The following TSHZ2 variants were observed in gnomAD, a reference collection of about 807,000 sequenced individuals.
The protein encoded by TSHZ2 is teashirt homolog 2.
Under a neutral mutation model 74.4 loss-of-function variants are expected in TSHZ2, and 21 were observed. That is an observed-to-expected ratio of 0.28 (90% confidence interval 0.20 to 0.41). The LOEUF (loss-of-function observed/expected upper bound fraction) is 0.41. Among genes scored for constraint, TSHZ2 ranks in the 10% least tolerant of loss-of-function variants. TSHZ2 has a pLI of 1.00. For missense variants in TSHZ2, 1,244 were observed against 1,293.5 expected, an observed-to-expected ratio of 0.96 and a Z score of 0.59; for synonymous variants, 540 against 515.3, an observed-to-expected ratio of 1.05 and a Z score of -0.65.
At chr20:53,059,090 T>C (rs1984736178) in intron 1 of TSHZ2, among the ~76,000 whole-genome samples, 1 of 152,166 alleles carries the variant, frequency 6.6e-6, no homozygotes, top group Admixed American at 6.5e-5. Context: ...TAAATGTGAG[T>C]AGTCTTGAAT....
Position 53,001,230 on chromosome 20 carries a change from G to GTGTGTGTATGTGTGTGTGTGTGTGTGTA in TSHZ2, c.40+27904_40+27905insATGTGTGTGTGTGTGTGTGTATGTGTGT, listed in dbSNP as rs1555813626. 4.6e-3 allele frequency among the ~76,000 whole-genome samples: 578 copies of GTGTGTGTATGTGTGTGTGTGTGTGTGTA among 126,180 alleles called. 2 individuals are homozygous for GTGTGTGTATGTGTGTGTGTGTGTGTGTA. The highest frequency in any genetic ancestry group is 6.8e-3 in the Non-Finnish European group (385 of 56,396). 82.8% of individuals were successfully genotyped at this position (126,180 alleles called of 152,430 possible). A position where few individuals can be genotyped will look rare whatever the true frequency, so the allele number is the denominator to read the frequency against. On this transcript the variant is annotated intron_variant, in intron 1 of 2. Transcript: ENST00000371497. Reference sequence around the variant, plus strand: ...CGTGTGTGTGTGTGTGTGTGTGTGTGTGTGTGTGTGTGTGTGTGTGTGTGT... The same window carrying GTGTGTGTATGTGTGTGTGTGTGTGTGTA: ...CGTGTGTGTGTGTGTGTGTGTGTGTGTGTGTGTATGTGTGTGTGTGTGTGTGTATGTGTGTGTGTGTGTGTGTGTGTGT...
intron 2 of TSHZ2, among the ~76,000 whole-genome samples, chr20:53,443,297 G>C (rs1479137558): frequency 6.6e-6 from 1 of 152,160 alleles, no homozygotes; most frequent in East Asian, 1.9e-4. Flanking sequence ...TTTCTGCCAT[G>C]ATGTTTAAGA....
chr20:53,351,511 C>CA (rs377267538), intron 2 of TSHZ2, among the ~76,000 whole-genome samples: 3 of 151,920 alleles, frequency 2.0e-5, no homozygotes, highest in Admixed American at 6.6e-5. Flanking sequence ...GATTTTTTGT[C>CA]AAAAAAAGTT....
chr20:53,460,386 T>G (rs1312872626), intron 2 of TSHZ2, among the ~76,000 whole-genome samples: 1 of 152,228 alleles, frequency 6.6e-6, no homozygotes. Flanking sequence ...CCAGCCTTGG[T>G]TTTCAGCTCC....
chr20:53,420,027 C>T (rs1182349162), intron 2 of TSHZ2, among the ~76,000 whole-genome samples: 1 of 152,258 alleles, frequency 6.6e-6, no homozygotes, highest in Non-Finnish European at 1.5e-5. Flanking sequence ...CACTGTTCAA[C>T]TAACCTTCAC....
In TSHZ2 at chr20:53,261,602, C is replaced by T. The variant is rs1187637968; in HGVS notation, c.*8+5031C>T. Among the ~76,000 whole-genome samples, 11 of 152,180 alleles carry T rather than the reference C, an allele frequency of 7.2e-5. No homozygotes were observed. In the East Asian group the frequency reaches 1.5e-3, roughly 21 times the overall value. On this transcript the variant is annotated intron_variant, in intron 2 of 2. Coordinates refer to ENST00000371497, the MANE Select transcript of TSHZ2 (RefSeq NM_173485.6). ...TTTTCAAAAATATTTGGCTTAACTC[C>T]GTCTATGCATCTCAGCCTCCATTGC...
At chr20:53,385,323 A>G (rs1982005931) in intron 2 of TSHZ2, among the ~76,000 whole-genome samples, 1 of 152,012 alleles carries the variant, frequency 6.6e-6, no homozygotes, top group Admixed American at 6.5e-5. Flanking sequence ...AGTTTCTCAG[A>G]ATTGGAAAAT....
chr20:53,187,968 A>G (rs1467384186), intron 1 of TSHZ2, among the ~76,000 whole-genome samples: 1 of 152,136 alleles, frequency 6.6e-6, no homozygotes, highest in South Asian at 2.1e-4. Context: ...CTCTCCATAT[A>G]TCATTAGAAC....
At chr20:53,469,919 A>AGGC (rs1985744920) in intron 2 of TSHZ2, among the ~76,000 whole-genome samples, 2 of 101,324 alleles carry the variant, frequency 2.0e-5, no homozygotes, top group East Asian at 3.1e-4. Flanking sequence ...GGAAGGAAGG[A>AGGC]AGGCAGGCAG....
chr20:53,246,960 TAGAG>T lies in TSHZ2; in HGVS notation c.41-6533_41-6530del, dbSNP rs149522192. 5.9e-3 allele frequency among the ~76,000 whole-genome samples: 902 copies of T among 152,050 alleles called. 6 individuals are homozygous for T. The highest frequency in any genetic ancestry group is 0.017 in the Middle Eastern group (5 of 292). On this transcript the variant is annotated intron_variant, in intron 1 of 2. Transcript: ENST00000371497. ...ACCATCTTCAGGAAATTGAAAAAAA[TAGAG>T]AGAGATTGTTGTTTTGATGACCACC... is the stretch of plus-strand genomic sequence containing the variant.
Position 53,410,207 on chromosome 20 carries a change from A to C in TSHZ2, c.*9-76937A>C, listed in dbSNP as rs113651853. Among the ~76,000 whole-genome samples, 1,377 of 152,104 alleles carry C rather than the reference A, an allele frequency of 9.1e-3. 23 individuals are homozygous for C. The highest frequency in any genetic ancestry group is 0.031 in the African/African-American group (1,293 of 41,498). On this transcript the variant is annotated intron_variant, in intron 2 of 2. Transcript: ENST00000371497. ...GAGGGCGCATCCCAGGATGAAGGTG[A>C]CTCTGGGACATGCTGACCGCAGCTA...
At chr20:53,472,600 G>C (rs1985845945) in intron 2 of TSHZ2, among the ~76,000 whole-genome samples, 1 of 152,176 alleles carries the variant, frequency 6.6e-6, no homozygotes, top group African/African-American at 2.4e-5. Context: ...GATATTTCAA[G>C]TTTCAGAACT....
intron 1 of TSHZ2, among the ~76,000 whole-genome samples, chr20:53,054,845 A>G (rs1484116423): frequency 6.6e-6 from 1 of 152,124 alleles, no homozygotes; most frequent in African/African-American, 2.4e-5. Context: ...TTCAGGATCC[A>G]CAAAACCAGC....
rs573423408 is a variant in TSHZ2 at position 53,384,474 on chromosome 20, T to G, written c.*9-102670T>G. On this transcript the variant is annotated intron_variant, in intron 2 of 2. Coordinates refer to ENST00000371497, the MANE Select transcript of TSHZ2 (RefSeq NM_173485.6). ...GAGCATCATATAGTCTGTATCTTCT[T>G]TGTTTATGGCTTCACCTTGACGAGC... Among the ~76,000 whole-genome samples, 6 of 152,322 alleles carry G rather than the reference T, an allele frequency of 3.9e-5. No homozygotes were observed. In the South Asian group the frequency reaches 1.2e-3, roughly 32 times the overall value.
intron 2 of TSHZ2, among the ~76,000 whole-genome samples, chr20:53,366,991 C>T (rs991676014): frequency 2.0e-5 from 3 of 152,202 alleles, no homozygotes; most frequent in South Asian, 2.1e-4. Context: ...TCAGTGTAGA[C>T]GCTAGGATCC....
At chr20:53,156,424 C>A (rs1987796535) in intron 1 of TSHZ2, among the ~76,000 whole-genome samples, 1 of 152,126 alleles carries the variant, frequency 6.6e-6, no homozygotes, top group African/African-American at 2.4e-5. Context: ...TCCTGAGAAC[C>A]CTATCCTTTT....
rs562891356 is a variant in TSHZ2 at position 52,994,684 on chromosome 20, G to A, written c.40+21351G>A. On this transcript the variant is annotated intron_variant, in intron 1 of 2. Coordinates refer to ENST00000371497, the MANE Select transcript of TSHZ2 (RefSeq NM_173485.6). ...TATCCTGCACATTAGCCCCTAGTCAGCTCTTACAAGCCATAATGTGCCGTG... is the reference window on the plus strand; with the variant it reads ...TATCCTGCACATTAGCCCCTAGTCAACTCTTACAAGCCATAATGTGCCGTG... Among the ~76,000 whole-genome samples, 3 of 152,272 alleles carry A rather than the reference G, an allele frequency of 2.0e-5. No homozygotes were observed. The South Asian group carries it at 6.2e-4, about 32-fold the overall frequency.
chr20:53,143,911 T>G (rs945984894), intron 1 of TSHZ2, among the ~76,000 whole-genome samples: 1 of 152,108 alleles, frequency 6.6e-6, no homozygotes, highest in African/African-American at 2.4e-5. Flanking sequence ...CCAGTCTCCC[T>G]GAAAACTCAG....
intron 2 of TSHZ2, among the ~76,000 whole-genome samples, chr20:53,447,912 A>T (rs1004691554): frequency 7.3e-4 from 98 of 134,852 alleles, no homozygotes; most frequent in African/African-American, 2.5e-3. Flanking sequence ...GGAAGAAGAA[A>T]TTTTTTTTTT....
Sources: gnomAD v4.1 joint callset for allele counts (sites outside exome capture counted in the v4.1 genomes callset) on GRCh38, gnomAD v4.1.1 for gene constraint, MANE v1.5 for transcripts, NCBI Gene and HGNC (gene_info 2026-07-23, HGNC 2026-07-21) for gene names.